Variants in INPP5A observed in about 807,000 individuals in gnomAD.
The protein encoded by INPP5A is inositol polyphosphate-5-phosphatase A.
In INPP5A, 14 loss-of-function variants were observed where a neutral mutation model predicts 65.2. The observed-to-expected ratio is 0.21, with a 90% CI of 0.14 to 0.34. The LOEUF (loss-of-function observed/expected upper bound fraction) is 0.34, where lower values mean the gene tolerates loss of function less well. Among genes scored for constraint, INPP5A ranks in the 10% least tolerant of loss-of-function variants. INPP5A has a pLI of 1.00. For synonymous variants in INPP5A, 207 were observed against 208.3 expected (o/e 0.99, Z 0.05); for missense variants, 431 against 545.6 (o/e 0.79, Z 2.09).
At chr10:132,566,869 G>A (rs932123380) in intron 1 of INPP5A, among the ~76,000 whole-genome samples, 1 of 152,192 alleles carries the variant, frequency 6.6e-6, no homozygotes, top group Non-Finnish European at 1.5e-5. Flanking sequence ...TGTAAATATT[G>A]AATACTAGAA....
At chr10:132,556,356 G>T (rs1292560612) in intron 1 of INPP5A, among the ~76,000 whole-genome samples, 1 of 152,164 alleles carries the variant, frequency 6.6e-6, no homozygotes, top group Non-Finnish European at 1.5e-5. Flanking sequence ...GGCTGATGCG[G>T]CGAGCCCTCT....
rs2072376589 is a variant in INPP5A at position 132,637,786 on chromosome 10, C to A, written c.118-8082C>A. 6.6e-6 allele frequency among the ~76,000 whole-genome samples: 1 copy of A among 152,162 alleles called. No homozygotes were observed. The highest frequency in any genetic ancestry group is 1.5e-5 in the Non-Finnish European group (1 of 68,036). Reference sequence around the variant, plus strand: ...CTGATGTGAGGTGGTTTTTCATATTCTCGACTGCTTGAGTAGATTTGATTT... The same window carrying A: ...CTGATGTGAGGTGGTTTTTCATATTATCGACTGCTTGAGTAGATTTGATTT... On this transcript the variant is annotated intron_variant, in intron 2 of 15. Transcript: ENST00000368594. This position sits in a 1 kb window ranked among gnomAD's most constrained non-coding sequence, Gnocchi z 4.1.
At chr10:132,773,116 G>A (rs930405183) in intron 12 of INPP5A, among the ~76,000 whole-genome samples, 13 of 152,248 alleles carry the variant, frequency 8.5e-5, no homozygotes, top group South Asian at 6.2e-4. Flanking sequence ...CGCAGGGTGC[G>A]GTGGGCTGGT....
At chr10:132,580,927 C>T (rs2071475373) in intron 1 of INPP5A, among the ~76,000 whole-genome samples, 1 of 152,196 alleles carries the variant, frequency 6.6e-6, no homozygotes, top group South Asian at 2.1e-4. Context: ...GCAAAATATA[C>T]AGATCCTAAG....
chr10:132,782,050 G>A lies in INPP5A; in HGVS notation c.*21G>A. 2 of 1,577,354 alleles carry A rather than the reference G, an allele frequency of 1.3e-6. No individual in the cohort carries two copies. Among genetic ancestry groups the A allele is most frequent in the Non-Finnish European group, 1.7e-6 (2 of 1,158,918 alleles). On this transcript the variant is annotated 3_prime_UTR_variant, in exon 16 of 16. Coordinates refer to ENST00000368594, the MANE Select transcript of INPP5A (RefSeq NM_005539.5). This position sits in a 1 kb window ranked among gnomAD's most constrained non-coding sequence, Gnocchi z 4.4. ...ATTCCGTGACAGGGAAGAGATGCCA[G>A]CGCCACGAGAGGACACTTCGTGAGC...
intron 4 of INPP5A, among the ~76,000 whole-genome samples, chr10:132,652,286 G>A (rs1341022596): frequency 6.6e-6 from 1 of 152,228 alleles, no homozygotes; most frequent in Non-Finnish European, 1.5e-5. Context: ...AAATTAAAGT[G>A]AAACAGAGAG....
chr10:132,708,132 G>A (rs995814659), intron 6 of INPP5A, among the ~76,000 whole-genome samples, 181 bp from the exon 7 acceptor site: 27 of 152,158 alleles, frequency 1.8e-4, no homozygotes, highest in Non-Finnish European at 3.2e-4. Context: ...ATCTCTGTGC[G>A]AAGCCCCACT....
chr10:132,719,978 C>A (rs1324784593), intron 8 of INPP5A, among the ~76,000 whole-genome samples: 6 of 140,190 alleles, frequency 4.3e-5, no homozygotes, highest in African/African-American at 1.4e-4. Context: ...CTGGGGGCAC[C>A]TTAGATAGCT....
At chr10:132,668,084 A>T (rs1014503177) in intron 4 of INPP5A, among the ~76,000 whole-genome samples, 6 of 152,246 alleles carry the variant, frequency 3.9e-5, no homozygotes, top group Admixed American at 2.6e-4. Context: ...TCTAGGCAAC[A>T]TTAAACAAAG....
intron 4 of INPP5A, among the ~76,000 whole-genome samples, chr10:132,671,118 C>T (rs902668114): frequency 3.3e-5 from 5 of 152,046 alleles, no homozygotes; most frequent in Non-Finnish European, 7.4e-5. Flanking sequence ...GTGGCCCACT[C>T]CTTCTGGAGT....
rs201971865 is a variant in INPP5A at position 132,542,153 on chromosome 10, CG to C, written c.75+3985del. Among the ~76,000 whole-genome samples, 37 of 152,388 alleles carry C rather than the reference CG, an allele frequency of 2.4e-4. No individual in the cohort carries two copies. The East Asian group carries it at 6.2e-3, about 25-fold the overall frequency. ...TGGTCCTGAGAACACAGCCCGCTGG[CG>C]GGTATCTGCCTGGTGGCCCTTCCTG... is the stretch of plus-strand genomic sequence containing the variant. On this transcript the variant is annotated intron_variant, in intron 1 of 15. Transcript: ENST00000368594.
chr10:132,698,543 A>T lies in INPP5A; in HGVS notation c.474+624A>T, dbSNP rs1845382763. 6.6e-6 allele frequency among the ~76,000 whole-genome samples: 1 copy of T among 152,204 alleles called. No homozygotes were observed. On this transcript the variant is annotated intron_variant, in intron 6 of 15. Coordinates refer to ENST00000368594, the MANE Select transcript of INPP5A (RefSeq NM_005539.5). This position sits in a 1 kb window ranked among gnomAD's most constrained non-coding sequence, Gnocchi z 5.5. ...TGTGTGCGCGGCTGTTGCTCTGTGC[A>T]CGTGATCTTTGGGTAAACCTCACAC... is the stretch of plus-strand genomic sequence containing the variant.
chr10:132,597,211 G>C (rs1318393712), intron 1 of INPP5A, among the ~76,000 whole-genome samples: 1 of 152,256 alleles, frequency 6.6e-6, no homozygotes, highest in Non-Finnish European at 1.5e-5. Flanking sequence ...ATGGCCGAGG[G>C]TTTATTTTCT....
At chr10:132,726,708 C>G in intron 8 of INPP5A, 113 bp from the exon 9 acceptor site, 1 of 729,552 alleles carries the variant, frequency 1.4e-6, no homozygotes, top group African/African-American at 1.8e-5. Flanking sequence ...TCCCCTGCAG[C>G]AGGTGACAGA....
intron 2 of INPP5A, among the ~76,000 whole-genome samples, chr10:132,629,660 C>T (rs767891325): frequency 2.6e-5 from 4 of 152,244 alleles, no homozygotes; most frequent in Non-Finnish European, 5.9e-5. Flanking sequence ...GTGCGGACAG[C>T]CCTGTGCTGC....
At chr10:132,773,355 A>T (rs1846989276) in intron 12 of INPP5A, among the ~76,000 whole-genome samples, 1 of 152,250 alleles carries the variant, frequency 6.6e-6, no homozygotes, top group African/African-American at 2.4e-5. Flanking sequence ...ACTGAGCAAG[A>T]TCGAGTTTTA....
chr10:132,761,663 A>T (rs934772840), intron 11 of INPP5A, among the ~76,000 whole-genome samples: 1 of 152,138 alleles, frequency 6.6e-6, no homozygotes, highest in Non-Finnish European at 1.5e-5. Context: ...AAGCTGTGGG[A>T]GGCCAGTGCG....
chr10:132,653,007 G>A (rs1478102006), intron 4 of INPP5A, among the ~76,000 whole-genome samples: 1 of 152,162 alleles, frequency 6.6e-6, no homozygotes, highest in African/African-American at 2.4e-5. Context: ...TGGGCGGAGG[G>A]GCAGTGCCCG....
chr10:132,575,991 G>T lies in INPP5A; in HGVS notation c.76-31924G>T, dbSNP rs565486306. The stretch of plus-strand genomic sequence containing the variant: ...TTCTGGGGAAATGATTTCACCCACT[G>T]CCCCCTGCCCACATCCCTCCACCAC... On this transcript the variant is annotated intron_variant, in intron 1 of 15. Coordinates refer to ENST00000368594, the MANE Select transcript of INPP5A (RefSeq NM_005539.5). This position sits in a 1 kb window ranked among gnomAD's most constrained non-coding sequence, Gnocchi z 5.4. Among the ~76,000 whole-genome samples the T allele has an allele frequency of 3.8e-4, 58 of 152,222 alleles. No individual in the cohort carries two copies. Among genetic ancestry groups the T allele is most frequent in the African/African-American group, 1.4e-3 (57 of 41,528 alleles).
Sources: allele counts gnomAD v4.1 joint callset (sites outside exome capture counted in the v4.1 genomes callset), GRCh38; gene constraint gnomAD v4.1.1; non-coding constraint Gnocchi (gnomAD v3.1); transcripts MANE v1.5; gene names NCBI Gene and HGNC (gene_info 2026-07-23, HGNC 2026-07-21).